The following A4GNT variants were observed in gnomAD, a reference collection of about 807,000 sequenced individuals.
A4GNT encodes the protein alpha-1,4-N-acetylglucosaminyltransferase.
Under a neutral mutation model 8.3 loss-of-function variants are expected in A4GNT, and 6 were observed. That is an observed-to-expected ratio of 0.72 (90% CI 0.39 to 1.42). The LOEUF (loss-of-function observed/expected upper bound fraction) is 1.42, where lower values mean the gene tolerates loss of function less well. A4GNT is among the 40% of genes most tolerant of loss of function. The probability of loss-of-function intolerance (pLI) is 0.02; values close to 1 mark genes in which losing one functional copy is unlikely to be tolerated. For missense variants in A4GNT, 377 were observed against 417.0 expected, an observed-to-expected ratio of 0.90 and a Z score of 0.84; for synonymous variants, 157 against 159.8, an observed-to-expected ratio of 0.98 and a Z score of 0.13.
chr3:138,124,718 GA>G lies in A4GNT; in HGVS notation c.568del (p.Ser190LeufsTer38), dbSNP rs1293508392. ...NFLAAQASRY[S>X]SNGIFGFLPH... ...GAGGAACCCAAATATTCCATTACTAGAGTACCGAGAAGCCTGCGCAGCCAAA... is the reference window on the plus strand; with the variant it reads ...GAGGAACCCAAATATTCCATTACTAGGTACCGAGAAGCCTGCGCAGCCAAA... On this transcript the variant is annotated frameshift_variant, in exon 3 of 3. Transcript: ENST00000236709. LOFTEE classifies it low-confidence loss of function (END_TRUNC). 6.2e-7 allele frequency: 1 copy of G among 1,614,156 alleles called. No individual in the cohort carries two copies. The highest frequency in any genetic ancestry group is 1.1e-5 in the South Asian group (1 of 91,078).
chr3:138,131,415 G>T, intron 1 of A4GNT, 133 bp from the exon 2 acceptor site: 1 of 801,646 alleles, frequency 1.2e-6, no homozygotes, highest in Non-Finnish European at 1.8e-6. Context: ...ATGAAATCAA[G>T]TCCAGCAATA....
rs1355770825 is a variant in A4GNT, at chr3:138,124,178, C to A, written c.*86G>T. ...AGAGGCAACCCTCTGCCCACCCCGC[C>A]AAGAGACAGTGGAGATCAAGTGAAA... On this transcript the variant is annotated 3_prime_UTR_variant, in exon 3 of 3. Coordinates refer to ENST00000236709, the MANE Select transcript of A4GNT (RefSeq NM_016161.3). 30 of 1,523,694 alleles carry A rather than the reference C, an allele frequency of 2.0e-5. No homozygotes were observed. Among genetic ancestry groups the A allele is most frequent in the Admixed American group, 8.2e-5 (4 of 48,966 alleles). The allele number at this position is 1,523,694 out of a possible 1,614,324, so 94.4% of individuals were successfully genotyped here. A position where few individuals can be genotyped will look rare whatever the true frequency, so the allele number is the denominator to read the frequency against.
intron 2 of A4GNT, among the ~76,000 whole-genome samples, chr3:138,130,258 G>A (rs972998291): frequency 6.6e-6 from 1 of 152,108 alleles, no homozygotes; most frequent in Non-Finnish European, 1.5e-5. Flanking sequence ...TCATTGAGTT[G>A]TTGTACTATA....
intron 2 of A4GNT, among the ~76,000 whole-genome samples, chr3:138,130,226 A>G (rs1364347102): frequency 3.3e-5 from 5 of 152,192 alleles, no homozygotes; most frequent in Non-Finnish European, 7.3e-5. Flanking sequence ...AAAAAATTAT[A>G]GTTAAAGCCT....
In A4GNT at chr3:138,131,250, T is replaced by A; in HGVS notation, c.7A>T (p.Lys3Ter). Reference sequence around the variant, plus strand: ...ACTGACAGGGAGAGCTGGAGCTCCTTCCGCATGTCCTCTTCTCTGTGCCAG... The same window carrying A: ...ACTGACAGGGAGAGCTGGAGCTCCTACCGCATGTCCTCTTCTCTGTGCCAG... MR[K>*]ELQLSLSVTL... Residue 3 changes from lysine (K) to a stop codon, truncating the protein, a stop_gained, in exon 2 of 3, where the codon AAG becomes TAG. Transcript: ENST00000236709. LOFTEE classifies it high-confidence loss of function. 6.3e-7 allele frequency: 1 copy of A among 1,582,702 alleles called. No individual in the cohort carries two copies. The highest frequency in any genetic ancestry group is 2.3e-5 in the East Asian group (1 of 44,274).
At position 138,124,167 on chromosome 3, in the gene A4GNT, G is replaced by A; in HGVS notation, c.*97C>T. Reference sequence around the variant, plus strand: ...ACTGACATTTGAGAGGCAACCCTCTGCCCACCCCGCCAAGAGACAGTGGAG... The same window carrying A: ...ACTGACATTTGAGAGGCAACCCTCTACCCACCCCGCCAAGAGACAGTGGAG... On this transcript the variant is annotated 3_prime_UTR_variant, in exon 3 of 3. Coordinates refer to ENST00000236709, the MANE Select transcript of A4GNT (RefSeq NM_016161.3). 1.3e-6 allele frequency: 2 copies of A among 1,491,072 alleles called. No individual in the cohort carries two copies. Among genetic ancestry groups the A allele is most frequent in the Non-Finnish European group, 1.8e-6 (2 of 1,111,922 alleles). 92.4% of individuals were successfully genotyped at this position (1,491,072 alleles called of 1,614,324 possible).
At chr3:138,127,118 C>CAAAAAAAAAAAAAAAAAAAAA (rs898641661) in intron 2 of A4GNT, among the ~76,000 whole-genome samples, 1 of 34,078 alleles carries the variant, frequency 2.9e-5, no homozygotes, top group Non-Finnish European at 6.8e-5. Context: ...GACTCCATCT[C>CAAAAAAAAAAAAAAAAAAAAA]AAAAAAAAAA....
Position 138,124,838 on chromosome 3 carries a change from G to A in A4GNT, c.449C>T (p.Ser150Leu), listed in dbSNP as rs375267880. ...SAERNWLHIS[S>L]DASRLAIIWK... Reference sequence around the variant, plus strand: ...GATGATGGCCAGGCGGGATGCATCCGAGCTGATGTGGAGCCAGTTTCTCTC... The same window carrying A: ...GATGATGGCCAGGCGGGATGCATCCAAGCTGATGTGGAGCCAGTTTCTCTC... Residue 150 changes from serine (S) to leucine (L), a missense_variant, in exon 3 of 3, where the codon TCG (serine) becomes TTG (leucine). Coordinates refer to ENST00000236709, the MANE Select transcript of A4GNT (RefSeq NM_016161.3). 62 of 1,613,242 alleles carry A rather than the reference G, an allele frequency of 3.8e-5. No homozygotes were observed. Among genetic ancestry groups the A allele is most frequent in the East Asian group, 6.7e-5 (3 of 44,872 alleles).
At chr3:138,131,527 A>T (rs1409916513) in intron 1 of A4GNT, among the ~76,000 whole-genome samples, 1 of 152,102 alleles carries the variant, frequency 6.6e-6, no homozygotes, top group African/African-American at 2.4e-5. Flanking sequence ...GTTCAAGACT[A>T]GCTTGGGCAG....
rs1181454910 is a variant in A4GNT at position 138,124,851 on chromosome 3, G to A, written c.436C>T (p.Leu146Phe). The A allele has an allele frequency of 3.1e-6, 5 of 1,612,574 alleles. No individual in the cohort carries two copies. Among genetic ancestry groups the A allele is most frequent in the Non-Finnish European group, 3.4e-6 (4 of 1,179,556 alleles). The change falls in exon 3 of 3, where the codon CTC becomes TTC. Residue 146 changes from leucine to phenylalanine, a missense_variant. Physicochemically the swap from Leu to Phe is conservative, Grantham distance 22. Coordinates refer to ENST00000236709, the MANE Select transcript of A4GNT (RefSeq NM_016161.3). ...QINASAERNW[L>F]HISSDASRLA... is the part of the protein sequence containing the mutation. ...CGGGATGCATCCGAGCTGATGTGGAGCCAGTTTCTCTCTGCGCTGGCGTTG... is the reference window on the plus strand; with the variant it reads ...CGGGATGCATCCGAGCTGATGTGGAACCAGTTTCTCTCTGCGCTGGCGTTG...
chr3:138,132,939 C>A (rs1230113060), upstream of A4GNT, among the ~76,000 whole-genome samples: 1 of 152,210 alleles, frequency 6.6e-6, no homozygotes, highest in African/African-American at 2.4e-5. Flanking sequence ...AGCCTCGTCC[C>A]AGTCTCAGGA....
Position 138,124,731 on chromosome 3 carries a change from C to G in A4GNT, c.556G>C (p.Ala186Pro), listed in dbSNP as rs774762361. 2.5e-6 allele frequency: 4 copies of G among 1,614,162 alleles called. No individual in the cohort carries two copies. The highest frequency in any genetic ancestry group is 2.5e-6 in the Non-Finnish European group (3 of 1,180,010). The change falls in exon 3 of 3, where the codon GCT (alanine) becomes CCT (proline). Residue 186 changes from alanine to proline, a missense_variant. By Grantham distance (27) the Ala-to-Pro change is conservative (BLOSUM62 -1). Transcript: ENST00000236709. ...IPEENFLAAQ[A>P]SRYSSNGIFG... ...ATTCCATTACTAGAGTACCGAGAAG[C>G]CTGCGCAGCCAAAAAGTTCTCCTCA... is the stretch of plus-strand genomic sequence containing the variant.
At chr3:138,130,761 T>G in intron 2 of A4GNT, 88 bp downstream of exon 2, 3 of 1,446,870 alleles carry the variant, frequency 2.1e-6, no homozygotes, top group Non-Finnish European at 2.8e-6. Flanking sequence ...CAAATGTGGG[T>G]TCTATTCCCA....
chr3:138,124,266 A>G lies in A4GNT; in HGVS notation c.1021T>C (p.Ter341GlnextTer2). 1 of 1,612,336 alleles carries G rather than the reference A, an allele frequency of 6.2e-7. No individual in the cohort carries two copies. Among genetic ancestry groups the G allele is most frequent in the Non-Finnish European group, 8.5e-7 (1 of 1,179,032 alleles). Residue 341 changes from the stop codon to glutamine, a stop_lost, in exon 3 of 3, where the codon TAA (stop) becomes CAA (glutamine). Transcript: ENST00000236709. ...VTGELGPGNK[*>Q] ...GCAGCAGCAAACGAGTGTTAGCTTT[A>G]TTTGTTACCTGGACCCAGCTCCCCA... is the stretch of plus-strand genomic sequence containing the variant.
rs922172316 is a variant in A4GNT at position 138,124,475 on chromosome 3, T to C, written c.812A>G (p.Tyr271Cys). 6.2e-7 allele frequency: 1 copy of C among 1,614,214 alleles called. No homozygotes were observed. Among genetic ancestry groups the C allele is most frequent in the Non-Finnish European group, 8.5e-7 (1 of 1,180,038 alleles). The change falls in exon 3 of 3, where the codon TAC becomes TGC. Residue 271 changes from tyrosine (Y) to cysteine (C), a missense_variant. By Grantham distance (194) the Tyr-to-Cys change is radical. Coordinates refer to ENST00000236709, the MANE Select transcript of A4GNT (RefSeq NM_016161.3). ...TGGCTCTGTATCCCACACTTCATAG[T>C]AGCGCCTCCACTCTCGATAGGAGAT... is the stretch of plus-strand genomic sequence containing the variant. ...YPISYREWRR[Y>C]YEVWDTEPSF...
chr3:138,131,270 T>G lies in A4GNT; in HGVS notation c.-14A>C, dbSNP rs548779973. 6.5e-7 allele frequency: 1 copy of G among 1,537,590 alleles called. No homozygotes were observed. Among genetic ancestry groups the G allele is most frequent in the Non-Finnish European group, 8.8e-7 (1 of 1,135,976 alleles). The stretch of plus-strand genomic sequence containing the variant: ...CTCCTTCCGCATGTCCTCTTCTCTG[T>G]GCCAGCCTGCTCCTTTAAATCAACA... On this transcript the variant is annotated 5_prime_UTR_variant, in exon 2 of 3. Coordinates refer to ENST00000236709, the MANE Select transcript of A4GNT (RefSeq NM_016161.3).
intron 2 of A4GNT, 51 bp downstream of exon 2, chr3:138,130,798 T>C (rs375965953): frequency 2.1e-5 from 33 of 1,572,682 alleles, no homozygotes; most frequent in Non-Finnish European, 2.9e-5. Context: ...TTACCCTCAG[T>C]TTACCCATAT....
In A4GNT at chr3:138,124,475, T is replaced by A. The variant is rs922172316; in HGVS notation, c.812A>T (p.Tyr271Phe). ...TGGCTCTGTATCCCACACTTCATAG[T>A]AGCGCCTCCACTCTCGATAGGAGAT... is the stretch of plus-strand genomic sequence containing the variant. ...YPISYREWRR[Y>F]YEVWDTEPSF... Residue 271 changes from tyrosine (Y) to phenylalanine (F), a missense_variant, in exon 3 of 3, where the codon TAC (tyrosine) becomes TTC (phenylalanine). Transcript: ENST00000236709. 1 of 1,614,214 alleles carries A rather than the reference T, an allele frequency of 6.2e-7. No homozygotes were observed. Among genetic ancestry groups the A allele is most frequent in the South Asian group, 1.1e-5 (1 of 91,084 alleles).
At chr3:138,131,319 C>T in intron 1 of A4GNT, 37 bp from the exon 2 acceptor site, 1 of 1,404,776 alleles carries the variant, frequency 7.1e-7, no homozygotes, top group South Asian at 2.0e-5. Context: ...ATCACAGCTG[C>T]AAAACCTGAC....
Sources: allele counts gnomAD v4.1 joint callset (sites outside exome capture counted in the v4.1 genomes callset), GRCh38; gene constraint gnomAD v4.1.1; transcripts MANE v1.5; gene names NCBI Gene and HGNC (gene_info 2026-07-23, HGNC 2026-07-21).